The following KISS1 variants were observed in gnomAD, a reference collection of about 807,000 sequenced individuals.
KISS1 encodes metastasis-suppressor KiSS-1.
For synonymous variants in KISS1, 97 were observed against 88.7 expected (o/e 1.09, Z -0.52); for missense variants, 182 against 182.7 (o/e 1.00, Z 0.02).
chr1:204,191,876 C>CA (rs1188097427), intron 2 of KISS1, among the ~76,000 whole-genome samples: 1 of 152,104 alleles, frequency 6.6e-6, no homozygotes, highest in Non-Finnish European at 1.5e-5. Flanking sequence ...AGCCTTTTGC[C>CA]AAAAAGAGCC....
rs1553308145 is a variant in KISS1 at position 204,192,407 on chromosome 1, C to A, written c.103+367G>T. On this transcript the variant is annotated intron_variant, in intron 2 of 2. Transcript: ENST00000367194. The surrounding 1 kb of genome is among the most constrained non-coding windows in gnomAD (Gnocchi z 4.2). ...TTTGGTTTAGGTTTTTTTTTTTTTC[C>A]AAATTCTCCACAAAGAATCTGAGGT... Among the ~76,000 whole-genome samples, 2 of 116,348 alleles carry A rather than the reference C, an allele frequency of 1.7e-5. No homozygotes were observed. The highest frequency in any genetic ancestry group is 6.9e-5 in the African/African-American group (2 of 28,780). The allele number at this position is 116,348 out of a possible 152,430, so 76.3% of individuals were successfully genotyped here. A position where few individuals can be genotyped will look rare whatever the true frequency, so the allele number is the denominator to read the frequency against.
intron 1 of KISS1, among the ~76,000 whole-genome samples, chr1:204,195,293 C>CAT (rs1658829387): frequency 2.0e-4 from 3 of 14,834 alleles, no homozygotes; most frequent in African/African-American, 4.3e-4. Flanking sequence ...ACACCACACA[C>CAT]ATACACCCAT....
chr1:204,190,858 T>A, intron 2 of KISS1, 61 bp from the exon 3 acceptor site: 2 of 1,359,378 alleles, frequency 1.5e-6, no homozygotes, highest in Non-Finnish European at 2.1e-6. Flanking sequence ...TTGCAACACC[T>A]CCTGTCATCC....
intron 1 of KISS1, among the ~76,000 whole-genome samples, chr1:204,195,373 C>A (rs1658834774): frequency 7.1e-6 from 1 of 139,984 alleles, no homozygotes; most frequent in Non-Finnish European, 1.5e-5. Context: ...ACACATACAC[C>A]TATACACACA....
At position 204,190,480 on chromosome 1, in the gene KISS1, GC is replaced by G. The variant is rs1485582589; in HGVS notation, c.*3del. 4.5e-6 allele frequency: 7 copies of G among 1,552,236 alleles called. No homozygotes were observed. The highest frequency in any genetic ancestry group is 2.2e-4 in the Middle Eastern group (1 of 4,560). On this transcript the variant is annotated 3_prime_UTR_variant, in exon 3 of 3. Transcript: ENST00000367194. Reference sequence around the variant, plus strand: ...CTGAAGTTCACTGCCCCGCACCTGCGCCCTCAGCCCCGCCCAGCGCTTCTGC... The same window carrying G: ...CTGAAGTTCACTGCCCCGCACCTGCGCCTCAGCCCCGCCCAGCGCTTCTGC...
At position 204,193,629 on chromosome 1, in the gene KISS1, T is replaced by C. The variant is rs1658785978; in HGVS notation, c.-38-715A>G. Among the ~76,000 whole-genome samples, 3 of 152,208 alleles carry C rather than the reference T, an allele frequency of 2.0e-5. No homozygotes were observed. The South Asian group carries it at 6.2e-4, about 31-fold the overall frequency. The stretch of plus-strand genomic sequence containing the variant: ...AAATTGTCTTATTGCCTATCATTCA[T>C]GGAAAAGAAAAACCTTTCCTTGATT... On this transcript the variant is annotated intron_variant, in intron 1 of 2. Transcript: ENST00000367194.
At chr1:204,191,440 T>A (rs1658742398) in intron 2 of KISS1, among the ~76,000 whole-genome samples, 1 of 145,822 alleles carries the variant, frequency 6.9e-6, no homozygotes, top group Non-Finnish European at 1.5e-5. Flanking sequence ...TCTTCCTCCA[T>A]CCTGGGTATA....
Position 204,190,409 on chromosome 1 carries a change from T to TGCCCCCCCCCCC in KISS1, c.*74_*75insGGGGGGGGGGGC. ...CAGCGCCCCCTCCCTTAGCCCTACG[T>TGCCCCCCCCCCC]CCCCGCCCCCCGCCCCCGCCCCGCA... On this transcript the variant is annotated 3_prime_UTR_variant, in exon 3 of 3. Coordinates refer to ENST00000367194, the MANE Select transcript of KISS1 (RefSeq NM_002256.4). 12 of 570,126 alleles carry TGCCCCCCCCCCC rather than the reference T, an allele frequency of 2.1e-5. No homozygotes were observed. The highest frequency in any genetic ancestry group is 3.7e-5 in the East Asian group (1 of 26,790). 35.3% of individuals were successfully genotyped at this position (570,126 alleles called of 1,614,324 possible). A position where few individuals can be genotyped will look rare whatever the true frequency, so the allele number is the denominator to read the frequency against.
In KISS1 at chr1:204,192,049, A is replaced by C. The variant is rs1658754732; in HGVS notation, c.103+725T>G. 6.6e-6 allele frequency among the ~76,000 whole-genome samples: 1 copy of C among 152,152 alleles called. No homozygotes were observed. Among genetic ancestry groups the C allele is most frequent in the Non-Finnish European group, 1.5e-5 (1 of 68,024 alleles). ...CTTATGGGCATATACGATGACATCA[A>C]ATGTGTAGAGGGCATGCCCCAAGTT... On this transcript the variant is annotated intron_variant, in intron 2 of 2. Transcript: ENST00000367194. The surrounding 1 kb of genome is among the most constrained non-coding windows in gnomAD (Gnocchi z 4.2).
intron 2 of KISS1, among the ~76,000 whole-genome samples, chr1:204,191,941 A>G (rs7538055): frequency 0.29 from 44,269 of 152,114 alleles, 6,747 homozygotes; most frequent in East Asian, 0.43. Flanking sequence ...AGCCTCCCTC[A>G]CCCAGAAAAA....
Position 204,190,415 on chromosome 1 carries a change from C to CCCCCCG in KISS1, c.*63_*68dup, listed in dbSNP as rs1658711139. On this transcript the variant is annotated 3_prime_UTR_variant, in exon 3 of 3. Transcript: ENST00000367194. ...CCCCTCCCTTAGCCCTACGTCCCCG[C>CCCCCCG]CCCCCGCCCCCGCCCCGCATGCTCT... 1.1e-5 allele frequency: 6 copies of CCCCCCG among 571,254 alleles called. No individual in the cohort carries two copies. Among genetic ancestry groups the CCCCCCG allele is most frequent in the East Asian group, 3.5e-5 (1 of 28,712 alleles). The allele number at this position is 571,254 out of a possible 1,614,324, so 35.4% of individuals were successfully genotyped here. A position where few individuals can be genotyped will look rare whatever the true frequency, so the allele number is the denominator to read the frequency against.
intron 1 of KISS1, 142 bp from the exon 2 acceptor site, chr1:204,193,056 T>C (rs1658774922): frequency 1.5e-6 from 1 of 664,026 alleles, no homozygotes; most frequent in South Asian, 1.6e-5. Context: ...GAGGGATGAG[T>C]CTAAACAAAT....
At chr1:204,193,472 C>T (rs528562524) in intron 1 of KISS1, among the ~76,000 whole-genome samples, 11 of 152,250 alleles carry the variant, frequency 7.2e-5, no homozygotes, top group East Asian at 1.9e-4. Flanking sequence ...CCCATCCATA[C>T]GCTTGAGTCT....
intron 1 of KISS1, among the ~76,000 whole-genome samples, chr1:204,195,727 A>G (rs1351663674): frequency 7.0e-6 from 1 of 142,468 alleles, no homozygotes; most frequent in South Asian, 2.2e-4. Flanking sequence ...ACACACACAC[A>G]CACACACACA....
In KISS1 at chr1:204,190,585, C is replaced by G; in HGVS notation, c.316G>C (p.Glu106Gln). The G allele has an allele frequency of 6.2e-7, 1 of 1,601,218 alleles. No homozygotes were observed. Among genetic ancestry groups the G allele is most frequent in the Non-Finnish European group, 8.5e-7 (1 of 1,174,442 alleles). Reference sequence around the variant, plus strand: ...CAGTTGTAGTTCGGCAGGTCCTTCTCCCGCTGCACCAGCACCGCGCCCTGG... The same window carrying G: ...CAGTTGTAGTTCGGCAGGTCCTTCTGCCGCTGCACCAGCACCGCGCCCTGG... ...APQGAVLVQREKDLPNYNWNS... is the reference protein window; with the variant it reads ...APQGAVLVQRQKDLPNYNWNS... The change falls in exon 3 of 3, where the codon GAG becomes CAG. Residue 106 changes from glutamate (E) to glutamine (Q), a missense_variant. Physicochemically the swap from Glu to Gln is conservative, Grantham distance 29 (BLOSUM62 2). Transcript: ENST00000367194.
rs1658757907 is a variant in KISS1, at chr1:204,192,348, C to G, written c.103+426G>C. On this transcript the variant is annotated intron_variant, in intron 2 of 2. Transcript: ENST00000367194. The surrounding 1 kb of genome is among the most constrained non-coding windows in gnomAD (Gnocchi z 4.2). The stretch of plus-strand genomic sequence containing the variant: ...CAATGAACTGGAGACAGTTCATTGT[C>G]TCCAAAAGGTTAATAGGTATCAAAT... Among the ~76,000 whole-genome samples, 1 of 151,616 alleles carries G rather than the reference C, an allele frequency of 6.6e-6. No individual in the cohort carries two copies. The highest frequency in any genetic ancestry group is 1.5e-5 in the Non-Finnish European group (1 of 67,966).
chr1:204,196,113 T>C (rs1375617930), intron 1 of KISS1, among the ~76,000 whole-genome samples: 2 of 152,214 alleles, frequency 1.3e-5, no homozygotes, highest in African/African-American at 4.8e-5. Flanking sequence ...ATTTATTGCA[T>C]GTATTCCTTC....
Position 204,192,414 on chromosome 1 carries a change from T to G in KISS1, c.103+360A>C, listed in dbSNP as rs1658760007. Among the ~76,000 whole-genome samples, 1 of 150,624 alleles carries G rather than the reference T, an allele frequency of 6.6e-6. No individual in the cohort carries two copies. Among genetic ancestry groups the G allele is most frequent in the South Asian group, 2.1e-4 (1 of 4,746 alleles). ...TAGGTTTTTTTTTTTTTCCAAATTCTCCACAAAGAATCTGAGGTCACCGAT... is the reference window on the plus strand; with the variant it reads ...TAGGTTTTTTTTTTTTTCCAAATTCGCCACAAAGAATCTGAGGTCACCGAT... On this transcript the variant is annotated intron_variant, in intron 2 of 2. Coordinates refer to ENST00000367194, the MANE Select transcript of KISS1 (RefSeq NM_002256.4). This position sits in a 1 kb window ranked among gnomAD's most constrained non-coding sequence, Gnocchi z 4.2.
Position 204,190,685 on chromosome 1 carries a change from G to A in KISS1, c.216C>T (p.Ser72=). 1 of 1,595,460 alleles carries A rather than the reference G, an allele frequency of 6.3e-7. No homozygotes were observed. The highest frequency in any genetic ancestry group is 8.5e-7 in the Non-Finnish European group (1 of 1,171,976). The part of the protein sequence containing the change: ...ARLSRRGTSL[S]PPPESSGSPQ... ...GGCTCCCGGAGCTCTCGGGGGGCGG[G>A]GACAGCGAGGTCCCCCGACGGCTCA... Residue 72 remains serine (S), a synonymous_variant, in exon 3 of 3, where the codon TCC becomes TCT. Transcript: ENST00000367194.
Sources: gnomAD v4.1 joint callset for allele counts (sites outside exome capture counted in the v4.1 genomes callset) on GRCh38, gnomAD v4.1.1 for gene constraint, Gnocchi (gnomAD v3.1) non-coding constraint, MANE v1.5 for transcripts, NCBI Gene and HGNC (gene_info 2026-07-23, HGNC 2026-07-21) for gene names.